TGS1: variants seen among roughly 807,000 people sequenced by gnomAD.
TGS1 encodes trimethylguanosine synthase 1, also known as trimethylguanosine synthase.
In TGS1, 69 loss-of-function variants were observed where a neutral mutation model predicts 92.2. The ratio of observed to expected loss-of-function variants is 0.75; its 90% CI spans 0.62 to 0.91. TGS1 has a LOEUF of 0.91. Ranked by LOEUF, TGS1 falls within the 40% of genes least tolerant of loss-of-function variation. TGS1 has a pLI of 0.00. For synonymous variants in TGS1, 345 were observed against 338.1 expected, an observed-to-expected ratio of 1.02 and a Z score of -0.22; for missense variants, 1,062 against 1,001.2, an observed-to-expected ratio of 1.06 and a Z score of -0.82.
At chr8:55,823,081 T>A (rs1803693286) in intron 12 of TGS1, among the ~76,000 whole-genome samples, 2 of 152,240 alleles carry the variant, frequency 1.3e-5, no homozygotes, top group Non-Finnish European at 2.9e-5. Flanking sequence ...GCCAGGACTC[T>A]CCACTGCATT....
At chr8:55,781,249 A>G (rs1811554718) in intron 1 of TGS1, among the ~76,000 whole-genome samples, 1 of 152,198 alleles carries the variant, frequency 6.6e-6, no homozygotes, top group Non-Finnish European at 1.5e-5. Flanking sequence ...ATGAGTTTAT[A>G]ACAGTACTTC....
At chr8:55,776,454 G>A (rs946513430) in intron 1 of TGS1, among the ~76,000 whole-genome samples, 2 of 151,916 alleles carry the variant, frequency 1.3e-5, no homozygotes, top group Non-Finnish European at 2.9e-5. Context: ...CTAATTTTTT[G>A]TGTATTTAAT....
chr8:55,785,875 C>A lies in TGS1; in HGVS notation c.323C>A (p.Ala108Glu), dbSNP rs370476485. The A allele has an allele frequency of 1.2e-5, 19 of 1,599,550 alleles. No homozygotes were observed. In the East Asian group the frequency reaches 1.3e-4, roughly 11 times the overall value. Residue 108 changes from alanine (A) to glutamate (E), a missense_variant, in exon 3 of 13, where the codon GCA becomes GAA. By Grantham distance (107) the Ala-to-Glu change is moderately radical. Coordinates refer to ENST00000260129, the MANE Select transcript of TGS1 (RefSeq NM_024831.8). The part of the protein sequence containing the change: ...GLPLQFGRIT[A>E]HKDFEVSMNT... ...CCACTTCAATTTGGTAGGATAACTG[C>A]ACATAAGGATTTTGAGGTAAATATT... is the stretch of plus-strand genomic sequence containing the variant.
At chr8:55,781,204 T>C (rs1049111304) in intron 1 of TGS1, among the ~76,000 whole-genome samples, 2 of 152,152 alleles carry the variant, frequency 1.3e-5, no homozygotes, top group African/African-American at 2.4e-5. Flanking sequence ...TTAAAAACTA[T>C]TTTTATGTCT....
chr8:55,811,100 A>C lies in TGS1; in HGVS notation c.2360+3A>C, dbSNP rs1563467357. 3 of 1,561,286 alleles carry C rather than the reference A, an allele frequency of 1.9e-6. No individual in the cohort carries two copies. Among genetic ancestry groups the C allele is most frequent in the Non-Finnish European group, 2.6e-6 (3 of 1,148,284 alleles). The stretch of plus-strand genomic sequence containing the variant: ...AGAACAATGATGTCTCCTGATGGAT[A>C]TCCTTTGGAAGTCTTAAGAGTTTAC... On this transcript the variant is annotated splice_donor_region_variant and intron_variant, in intron 11 of 12. Transcript: ENST00000260129.
At position 55,810,865 on chromosome 8, in the gene TGS1, C is replaced by T. The variant is rs1353315196; in HGVS notation, c.2144-16C>T. 1.2e-6 allele frequency: 2 copies of T among 1,604,316 alleles called. No individual in the cohort carries two copies. Among genetic ancestry groups the T allele is most frequent in the South Asian group, 1.1e-5 (1 of 90,614 alleles). ...TCAGTGTCAATTAACTCATTTTTTT[C>T]TTTTCCCACTTTTAGTGATTGCCAT... On this transcript the variant is annotated splice_polypyrimidine_tract_variant and intron_variant, in intron 10 of 12. Transcript: ENST00000260129.
intron 12 of TGS1, among the ~76,000 whole-genome samples, chr8:55,820,245 C>T (rs1342011859): frequency 6.6e-6 from 1 of 152,078 alleles, no homozygotes; most frequent in Admixed American, 6.6e-5. Flanking sequence ...TCCAGTTTCT[C>T]TTGAAAAAAT....
chr8:55,816,018 A>G (rs1414215765), intron 12 of TGS1, among the ~76,000 whole-genome samples: 3 of 151,944 alleles, frequency 2.0e-5, no homozygotes, highest in African/African-American at 7.3e-5. Context: ...CAGTAGCATG[A>G]TCATAGCTCA....
At chr8:55,775,975 C>T (rs1300499728) in intron 1 of TGS1, among the ~76,000 whole-genome samples, 1 of 152,064 alleles carries the variant, frequency 6.6e-6, no homozygotes, top group Admixed American at 6.5e-5. Context: ...TAAAAGTATC[C>T]ACTAGAATTG....
intron 10 of TGS1, among the ~76,000 whole-genome samples, chr8:55,808,399 A>G (rs889631728): frequency 2.0e-5 from 3 of 152,194 alleles, no homozygotes; most frequent in Non-Finnish European, 2.9e-5. Flanking sequence ...ACATCGTAAC[A>G]CGATGATTAA....
chr8:55,778,457 C>T (rs1811462650), intron 1 of TGS1, among the ~76,000 whole-genome samples: 1 of 152,148 alleles, frequency 6.6e-6, no homozygotes, highest in Non-Finnish European at 1.5e-5. Flanking sequence ...GACACTTTAA[C>T]ATTAATATAG....
intron 2 of TGS1, among the ~76,000 whole-genome samples, chr8:55,785,073 T>G (rs1214228102): frequency 7.0e-6 from 1 of 141,866 alleles, no homozygotes; most frequent in South Asian, 2.2e-4. Flanking sequence ...TTGTTTTTTG[T>G]TTTTTTTTTG....
rs554263349 is a variant in TGS1 at position 55,779,649 on chromosome 8, C to T, written c.102-3099C>T. On this transcript the variant is annotated intron_variant, in intron 1 of 12. Coordinates refer to ENST00000260129, the MANE Select transcript of TGS1 (RefSeq NM_024831.8). ...GGGTACTGATGCTACTTTTAGGAAG[C>T]CCTCCTTCTAAAAGAGAAGAAAGAA... Among the ~76,000 whole-genome samples, 3 of 151,776 alleles carry T rather than the reference C, an allele frequency of 2.0e-5. 1 individual carries two copies. The South Asian group carries it at 6.2e-4, about 32-fold the overall frequency.
intron 12 of TGS1, among the ~76,000 whole-genome samples, chr8:55,820,366 C>T (rs1047124305): frequency 5.9e-5 from 9 of 151,972 alleles, no homozygotes; most frequent in African/African-American, 1.7e-4. Context: ...TGGCCAACAT[C>T]GTGAAACCCT....
At chr8:55,822,715 G>C (rs1425658227) in intron 12 of TGS1, among the ~76,000 whole-genome samples, 3 of 151,724 alleles carry the variant, frequency 2.0e-5, no homozygotes, top group Non-Finnish European at 2.9e-5. Flanking sequence ...ATAGTGGGGG[G>C]GGTGCTTTTA....
chr8:55,811,998 C>T (rs1263242393), intron 11 of TGS1, among the ~76,000 whole-genome samples: 3 of 152,120 alleles, frequency 2.0e-5, no homozygotes, highest in Non-Finnish European at 2.9e-5. Flanking sequence ...TGGGAATTTC[C>T]TGAAAAAGTA....
chr8:55,791,902 A>G (rs1046706832), intron 5 of TGS1, among the ~76,000 whole-genome samples: 11 of 152,226 alleles, frequency 7.2e-5, no homozygotes, highest in African/African-American at 2.4e-4. Context: ...GAAAGAATGG[A>G]TCGTTACTGA....
intron 4 of TGS1, among the ~76,000 whole-genome samples, chr8:55,789,346 A>G (rs567886318): frequency 1.3e-5 from 2 of 152,304 alleles, no homozygotes; most frequent in Admixed American, 1.3e-4. Flanking sequence ...TACTCTCATT[A>G]TTAATGTTAC....
chr8:55,812,520 A>G (rs551609461), intron 11 of TGS1, among the ~76,000 whole-genome samples: 2 of 146,952 alleles, frequency 1.4e-5, no homozygotes, highest in East Asian at 4.0e-4. Context: ...AAAAAATTAC[A>G]GTGTAAATTA....
Sources: gnomAD v4.1 joint callset for allele counts (sites outside exome capture counted in the v4.1 genomes callset) on GRCh38, gnomAD v4.1.1 for gene constraint, MANE v1.5 for transcripts, NCBI Gene and HGNC (gene_info 2026-07-23, HGNC 2026-07-21) for gene names.